The following AGBL4 variants were observed in gnomAD, a reference collection of about 807,000 sequenced individuals.
AGBL4 encodes the protein AGBL carboxypeptidase 4.
In AGBL4, 58 loss-of-function variants were observed where a neutral mutation model predicts 66.4. The ratio of observed to expected loss-of-function variants is 0.87; its 90% CI spans 0.71 to 1.09. The LOEUF is 1.09. Ranked by LOEUF, AGBL4 falls within the 50% of genes least tolerant of loss-of-function variation. The pLI is 0.00. For synonymous variants in AGBL4, 234 were observed against 222.9 expected (o/e 1.05, Z -0.44); for missense variants, 579 against 631.0 (o/e 0.92, Z 0.88).
intron 1 of AGBL4, among the ~76,000 whole-genome samples, chr1:49,881,137 G>T (rs984337071): frequency 2.0e-5 from 3 of 152,122 alleles, no homozygotes; most frequent in African/African-American, 7.2e-5. Context: ...GCTCACGCTG[G>T]GAGCTGTAGA....
intron 3 of AGBL4, among the ~76,000 whole-genome samples, chr1:49,292,575 A>C (rs1245168366): frequency 1.3e-5 from 2 of 152,128 alleles, no homozygotes; most frequent in African/African-American, 2.4e-5. Context: ...TGCAGAGAGG[A>C]GTTACCCACT....
intron 1 of AGBL4, among the ~76,000 whole-genome samples, chr1:49,937,366 C>G (rs1442507212): frequency 6.6e-6 from 1 of 152,010 alleles, no homozygotes; most frequent in Admixed American, 6.6e-5. Flanking sequence ...TACAAAGAGA[C>G]TTAGACTCCC....
intron 3 of AGBL4, among the ~76,000 whole-genome samples, chr1:49,629,935 A>G (rs915124643): frequency 1.3e-5 from 2 of 152,126 alleles, no homozygotes; most frequent in Non-Finnish European, 2.9e-5. Flanking sequence ...TGTGGATTTA[A>G]TCAGCACCCT....
chr1:49,819,232 C>T (rs1001630516), intron 2 of AGBL4, among the ~76,000 whole-genome samples: 6 of 151,982 alleles, frequency 3.9e-5, no homozygotes, highest in Non-Finnish European at 7.4e-5. Context: ...TTGTCCAATG[C>T]GATATAAGTG....
At chr1:48,948,824 G>GT (rs1242583277) in intron 5 of AGBL4, among the ~76,000 whole-genome samples, 1 of 151,922 alleles carries the variant, frequency 6.6e-6, no homozygotes, top group African/African-American at 2.4e-5. Flanking sequence ...GGAAGGCATT[G>GT]TTGTGGTCCT....
At chr1:49,593,675 T>A (rs1287900599) in intron 3 of AGBL4, among the ~76,000 whole-genome samples, 1 of 152,190 alleles carries the variant, frequency 6.6e-6, no homozygotes, top group African/African-American at 2.4e-5. Context: ...GCAGGTTACA[T>A]AACCTTTGTC....
intron 6 of AGBL4, among the ~76,000 whole-genome samples, chr1:48,805,858 A>T (rs1178027186): frequency 6.6e-6 from 1 of 152,170 alleles, no homozygotes; most frequent in Non-Finnish European, 1.5e-5. Context: ...AGAATAAGAG[A>T]ATATTCTCTA....
rs143389290 is a variant in AGBL4 at position 48,943,411 on chromosome 1, C to T, written c.595-76181G>A. On this transcript the variant is annotated intron_variant, in intron 5 of 13. Transcript: ENST00000371839. Reference sequence around the variant, plus strand: ...GCTTCTCAGATAAAAATGGTGGGTACATACAAAGGTTGAGATCTTTCAAGA... The same window carrying T: ...GCTTCTCAGATAAAAATGGTGGGTATATACAAAGGTTGAGATCTTTCAAGA... Among the ~76,000 whole-genome samples the T allele has an allele frequency of 4.0e-4, 61 of 152,260 alleles. No homozygotes were observed. In the East Asian group the frequency reaches 0.011, roughly 28 times the overall value.
rs75525791 is a variant in AGBL4 at position 48,567,677 on chromosome 1, G to C, written c.1267+19327C>G. ...TGCTCTCCACCACTGTCTGAGAGAA[G>C]GGGACCTGTTGGGGGCCTGAAGAAA... On this transcript the variant is annotated intron_variant, in intron 11 of 13. Coordinates refer to ENST00000371839, the MANE Select transcript of AGBL4 (RefSeq NM_032785.4). 5.0e-3 allele frequency among the ~76,000 whole-genome samples: 759 copies of C among 152,308 alleles called. 11 individuals are homozygous for C. The highest frequency in any genetic ancestry group is 0.038 in the South Asian group (184 of 4,816).
At chr1:48,930,805 C>CAT (rs1557472899) in intron 5 of AGBL4, among the ~76,000 whole-genome samples, 348 of 151,510 alleles carry the variant, frequency 2.3e-3, no homozygotes, top group African/African-American at 7.7e-3. Flanking sequence ...GGTTCATTCA[C>CAT]TCATTCATTC....
intron 4 of AGBL4, among the ~76,000 whole-genome samples, chr1:49,077,890 T>C (rs530042011): frequency 6.6e-6 from 1 of 152,184 alleles, no homozygotes; most frequent in South Asian, 2.1e-4. Context: ...TACTAAAAAG[T>C]ATGATAATGT....
chr1:49,263,484 G>A (rs999782486), intron 3 of AGBL4, among the ~76,000 whole-genome samples: 1 of 151,964 alleles, frequency 6.6e-6, no homozygotes, highest in African/African-American at 2.4e-5. Context: ...CATATAATCA[G>A]ACAAGATATA....
intron 1 of AGBL4, among the ~76,000 whole-genome samples, chr1:49,877,232 G>A (rs1213410904): frequency 6.6e-6 from 1 of 151,066 alleles, no homozygotes; most frequent in African/African-American, 2.5e-5. Context: ...TCCCTGTCTT[G>A]TGCCGGTTTT....
chr1:48,688,597 C>A (rs1319434074), intron 6 of AGBL4, among the ~76,000 whole-genome samples: 2 of 152,176 alleles, frequency 1.3e-5, no homozygotes, highest in Non-Finnish European at 2.9e-5. Flanking sequence ...AGAAGACAAG[C>A]CTCGTTCCCT....
At chr1:48,597,149 G>A (rs966539076) in intron 9 of AGBL4, among the ~76,000 whole-genome samples, 4 of 152,066 alleles carry the variant, frequency 2.6e-5, no homozygotes, top group South Asian at 2.1e-4. Context: ...CTTCCTGGAC[G>A]CTCTCAGGGA....
At chr1:49,901,005 T>C (rs754800950) in intron 1 of AGBL4, among the ~76,000 whole-genome samples, 2 of 152,224 alleles carry the variant, frequency 1.3e-5, no homozygotes, top group African/African-American at 2.4e-5. Context: ...AGTGATGTAG[T>C]GTAACAAAGT....
chr1:49,561,237 A>C (rs1644031436), intron 3 of AGBL4, among the ~76,000 whole-genome samples: 1 of 150,134 alleles, frequency 6.7e-6, no homozygotes, highest in Non-Finnish European at 1.5e-5. Flanking sequence ...GAGCTTTTTT[A>C]AGTTTTCTTT....
chr1:49,209,230 A>C (rs1161529872), intron 4 of AGBL4, among the ~76,000 whole-genome samples: 1 of 152,152 alleles, frequency 6.6e-6, no homozygotes, highest in Non-Finnish European at 1.5e-5. Context: ...TGAGTTTGAA[A>C]TGAAACAGAT....
chr1:49,267,696 C>T (rs1303538746), intron 3 of AGBL4, among the ~76,000 whole-genome samples: 1 of 151,898 alleles, frequency 6.6e-6, no homozygotes, highest in African/African-American at 2.4e-5. Context: ...AAAAGACATA[C>T]CCAAGACTGG....
Sources: gnomAD v4.1 joint callset for allele counts (sites outside exome capture counted in the v4.1 genomes callset) on GRCh38, gnomAD v4.1.1 for gene constraint, MANE v1.5 for transcripts, NCBI Gene and HGNC (gene_info 2026-07-23, HGNC 2026-07-21) for gene names.